The following PDE1A variants were observed in gnomAD, a reference collection of about 807,000 sequenced individuals.
PDE1A encodes the protein phosphodiesterase 1A.
A neutral mutation model predicts 61.7 loss-of-function variants in PDE1A; 35 were observed. That is an observed-to-expected ratio of 0.57 (90% CI 0.43 to 0.75). The LOEUF is 0.75. Ranked by LOEUF, PDE1A falls within the 30% of genes least tolerant of loss-of-function variation. The pLI, the probability that PDE1A is intolerant of heterozygous loss-of-function variation, is 0.00. For missense variants in PDE1A, 597 were observed against 630.6 expected (o/e 0.95, Z 0.57); for synonymous variants, 232 against 213.2 (o/e 1.09, Z -0.77).
At chr2:182,477,606 G>A (rs1489635933) in intron 2 of PDE1A, among the ~76,000 whole-genome samples, 1 of 151,842 alleles carries the variant, frequency 6.6e-6, no homozygotes, top group African/African-American at 2.4e-5. Context: ...ACAGCGTGTA[G>A]GGTTGAAGGT....
At chr2:182,176,582 T>G (rs1692814065) in intron 13 of PDE1A, among the ~76,000 whole-genome samples, 2 of 149,368 alleles carry the variant, frequency 1.3e-5, no homozygotes, top group African/African-American at 5.0e-5. Flanking sequence ...AAGGAGATTT[T>G]GGGCTGTGAC....
intron 1 of PDE1A, among the ~76,000 whole-genome samples, chr2:182,284,019 G>A (rs1416078078): frequency 6.6e-6 from 1 of 151,898 alleles, no homozygotes; most frequent in African/African-American, 2.4e-5. Flanking sequence ...CTTTTTCTCT[G>A]GGATACAACT....
exon 1 of PDE1A, chr2:182,426,657 T>G (rs1023632844): frequency 1.2e-5 from 19 of 1,612,280 alleles, no homozygotes; most frequent in Non-Finnish European, 1.6e-5. Flanking sequence ...AACTTCTTCC[T>G]GGAAACCACT....
intron 7 of PDE1A, among the ~76,000 whole-genome samples, chr2:182,218,260 G>T (rs1271301659): frequency 7.5e-6 from 1 of 132,660 alleles, no homozygotes; most frequent in African/African-American, 2.8e-5. Context: ...CACACTCTGG[G>T]GACTGTTGTG....
At chr2:182,549,433 A>G in the PDE1A span, among the ~76,000 whole-genome samples, 1 of 152,196 alleles carries the variant, frequency 6.6e-6, no homozygotes, top group African/African-American at 2.4e-5. Flanking sequence ...GTTAATGGTA[A>G]TATTATCAGC....
chr2:182,196,039 A>G (rs1686110525), intron 10 of PDE1A, among the ~76,000 whole-genome samples: 1 of 152,088 alleles, frequency 6.6e-6, no homozygotes. Context: ...GGATTTATTT[A>G]GTTAGTTCAA....
chr2:182,482,064 G>C lies in PDE1A; in HGVS notation c.101+40212C>G, dbSNP rs534982079. 6.6e-5 allele frequency among the ~76,000 whole-genome samples: 10 copies of C among 152,010 alleles called. No individual in the cohort carries two copies. In the Middle Eastern group the frequency reaches 0.014, roughly 207 times the overall value. ...CCCTTCACTACCTATTCACAAGAAA[G>C]TGAAATTTACACATTGTCACTATTT... is the stretch of plus-strand genomic sequence containing the variant. On this transcript the variant is annotated intron_variant, in intron 2 of 14. Transcript: ENST00000410103.
intron 10 of PDE1A, among the ~76,000 whole-genome samples, chr2:182,199,871 G>T (rs1686468199): frequency 6.6e-6 from 1 of 152,030 alleles, no homozygotes; most frequent in Non-Finnish European, 1.5e-5. Context: ...TCAACAATGG[G>T]AGACAGAAAC....
the PDE1A span, among the ~76,000 whole-genome samples, chr2:182,647,790 A>C: frequency 5.3e-5 from 8 of 152,242 alleles, no homozygotes; most frequent in Non-Finnish European, 1.5e-5. Context: ...GCCTCTGTAG[A>C]AAAATTGGCT....
intron 1 of PDE1A, among the ~76,000 whole-genome samples, chr2:182,381,139 T>C (rs1188861904): frequency 6.6e-6 from 1 of 152,168 alleles, no homozygotes; most frequent in African/African-American, 2.4e-5. Flanking sequence ...CTGATATGAT[T>C]GTGATAGGTT....
intron 7 of PDE1A, among the ~76,000 whole-genome samples, chr2:182,214,678 A>T (rs1382700786): frequency 6.8e-6 from 1 of 146,328 alleles, no homozygotes; most frequent in Non-Finnish European, 1.5e-5. Context: ...AGGCCATTAC[A>T]TAATGGTAAA....
chr2:182,353,335 A>G, intron 1 of PDE1A, among the ~76,000 whole-genome samples: 1 of 152,196 alleles, frequency 6.6e-6, no homozygotes. Flanking sequence ...ATACTTATGA[A>G]ATGCAAATGT....
At position 182,386,818 on chromosome 2, in the gene PDE1A, G is replaced by A. The variant is rs1036942997; in HGVS notation, c.53+39760C>T. 4.7e-5 allele frequency among the ~76,000 whole-genome samples: 7 copies of A among 148,406 alleles called. No individual in the cohort carries two copies. The South Asian group carries it at 1.1e-3, about 23-fold the overall frequency. On this transcript the variant is annotated intron_variant, in intron 1 of 13. Transcript: ENST00000351439. ...AGGGAGGTGGGGGGCACCTCCACCC[G>A]GCCGCCGCCCCGTCTGGGAGGTGGG...
intron 1 of PDE1A, among the ~76,000 whole-genome samples, chr2:182,379,835 CA>C (rs1343893599): frequency 6.6e-6 from 1 of 152,056 alleles, no homozygotes; most frequent in Non-Finnish European, 1.5e-5. Flanking sequence ...TGTTCTATTC[CA>C]TCCTTGATGG....
chr2:182,533,364 C>A, the PDE1A span, among the ~76,000 whole-genome samples: 2 of 152,128 alleles, frequency 1.3e-5, no homozygotes, highest in African/African-American at 4.8e-5. Flanking sequence ...TTCAAATATG[C>A]AGTATGTTCT....
intron 1 of PDE1A, among the ~76,000 whole-genome samples, chr2:182,318,307 G>T (rs1354990578): frequency 2.6e-5 from 4 of 152,054 alleles, no homozygotes; most frequent in Non-Finnish European, 5.9e-5. Context: ...TGCCAATGAT[G>T]CATTTTCAAC....
chr2:182,701,325 G>A, the PDE1A span, among the ~76,000 whole-genome samples: 15 of 151,524 alleles, frequency 9.9e-5, 1 homozygote, highest in South Asian at 1.9e-3. Context: ...GTGAGCCACC[G>A]CGCCCGGCTG....
chr2:182,227,069 C>T lies in PDE1A; in HGVS notation c.675+2937G>A, dbSNP rs73046050. Among the ~76,000 whole-genome samples, 486 of 151,998 alleles carry T rather than the reference C, an allele frequency of 3.2e-3. 4 individuals are homozygous for T. The highest frequency in any genetic ancestry group is 0.011 in the African/African-American group (467 of 41,506). ...TGTCAAAGGTCACATACGTATCTAGCGGCAGAGCAGGAATGCAAACCCAAA... is the reference window on the plus strand; with the variant it reads ...TGTCAAAGGTCACATACGTATCTAGTGGCAGAGCAGGAATGCAAACCCAAA... On this transcript the variant is annotated intron_variant, in intron 6 of 13. Transcript: ENST00000351439.
At chr2:182,327,258 G>C (rs1165714955) in intron 1 of PDE1A, among the ~76,000 whole-genome samples, 1 of 152,188 alleles carries the variant, frequency 6.6e-6, no homozygotes, top group Non-Finnish European at 1.5e-5. Flanking sequence ...TGGTTGGAAG[G>C]AGCAAGTCGA....
Sources: gnomAD v4.1 joint callset for allele counts (sites outside exome capture counted in the v4.1 genomes callset) on GRCh38, gnomAD v4.1.1 for gene constraint, MANE v1.5 for transcripts, NCBI Gene and HGNC (gene_info 2026-07-23, HGNC 2026-07-21) for gene names.